The following USP10 variants were observed in gnomAD, a reference collection of about 807,000 sequenced individuals.
The protein encoded by USP10 is ubiquitin specific peptidase 10.
In USP10, 22 loss-of-function variants were observed where a neutral mutation model predicts 84.5. The ratio of observed to expected loss-of-function variants is 0.26; its 90% confidence interval spans 0.19 to 0.37. The LOEUF (loss-of-function observed/expected upper bound fraction) is 0.37, where lower values mean the gene tolerates loss of function less well. Among genes scored for constraint, USP10 ranks in the 10% least tolerant of loss-of-function variants. USP10 has a pLI of 1.00. For missense variants in USP10, 1,019 were observed against 998.9 expected, an observed-to-expected ratio of 1.02 and a Z score of -0.27; for synonymous variants, 454 against 387.6, an observed-to-expected ratio of 1.17 and a Z score of -2.01.
At chr16:84,743,781 A>T (rs1910895629) in intron 3 of USP10, among the ~76,000 whole-genome samples, 1 of 152,256 alleles carries the variant, frequency 6.6e-6, no homozygotes. Flanking sequence ...GGAATGAATT[A>T]TGTGGATTGT....
chr16:84,778,764 C>T (rs1459143336), intron 13 of USP10, 131 bp from the exon 14 acceptor site: 4 of 858,200 alleles, frequency 4.7e-6, no homozygotes, highest in Non-Finnish European at 7.1e-6. Flanking sequence ...GTGATGACAT[C>T]TCTCTGTCCC....
intron 10 of USP10, among the ~76,000 whole-genome samples, chr16:84,765,362 A>G (rs1340682580): frequency 2.6e-5 from 4 of 152,178 alleles, no homozygotes; most frequent in Admixed American, 6.5e-5. Flanking sequence ...GTTCCACATC[A>G]GATCTCTAGA....
chr16:84,707,906 C>G (rs2150756716), intron 1 of USP10, among the ~76,000 whole-genome samples: 1 of 151,588 alleles, frequency 6.6e-6, no homozygotes, highest in East Asian at 2.0e-4. Flanking sequence ...TAGCAAAACT[C>G]TTTCTCTACA....
At chr16:84,709,598 C>T (rs1482375690) in intron 1 of USP10, among the ~76,000 whole-genome samples, 3 of 151,860 alleles carry the variant, frequency 2.0e-5, no homozygotes, top group Non-Finnish European at 4.4e-5. Flanking sequence ...TCATTTAGGG[C>T]AGGGTCCTTG....
At position 84,701,017 on chromosome 16, in the gene USP10, A is replaced by G. The variant is rs115226912; in HGVS notation, c.21+906A>G. Among the ~76,000 whole-genome samples, 816 of 152,222 alleles carry G rather than the reference A, an allele frequency of 5.4e-3. 9 individuals carry two copies. The highest frequency in any genetic ancestry group is 0.019 in the African/African-American group (788 of 41,528). ...AATTTGTTGACATCTGGTCCCTATA[A>G]ATTGTTGCACACTTTTAAACCATCT... On this transcript the variant is annotated intron_variant, in intron 1 of 13. Coordinates refer to ENST00000219473, the MANE Select transcript of USP10 (RefSeq NM_005153.3).
chr16:84,772,060 C>G (rs1914510469), intron 11 of USP10, among the ~76,000 whole-genome samples: 1 of 151,878 alleles, frequency 6.6e-6, no homozygotes, highest in African/African-American at 2.4e-5. Flanking sequence ...CTTCTTTTTT[C>G]TTTTTTTCTG....
Position 84,779,004 on chromosome 16 carries a change from C to G in USP10, c.2319C>G (p.Ile773Met). The change falls in exon 14 of 14, where the codon ATC becomes ATG. Residue 773 changes from isoleucine (I) to methionine (M), a missense_variant. Transcript: ENST00000219473. Reference sequence around the variant, plus strand: ...TCGATGACCAGACAGTCAAGGTGATCAACCAGTACCAGGTGGTGAAACCAA... The same window carrying G: ...TCGATGACCAGACAGTCAAGGTGATGAACCAGTACCAGGTGGTGAAACCAA... ...LRIDDQTVKV[I>M]NQYQVVKPTA... 1 of 1,614,042 alleles carries G rather than the reference C, an allele frequency of 6.2e-7. No individual in the cohort carries two copies. Among genetic ancestry groups the G allele is most frequent in the Admixed American group, 1.7e-5 (1 of 60,026 alleles).
intron 12 of USP10, among the ~76,000 whole-genome samples, chr16:84,773,686 C>T (rs1914684993): frequency 6.6e-6 from 1 of 152,148 alleles, no homozygotes; most frequent in African/African-American, 2.4e-5. Flanking sequence ...GCTTTTTAAT[C>T]CCATTTGAGG....
Position 84,700,070 on chromosome 16 carries a change from G to T in USP10, c.-21G>T. Reference sequence around the variant, plus strand: ...GCGTGAGCAGCCGGAGGATCGCGGAGTCCCAATGAAACGGGCAGCCATGGC... The same window carrying T: ...GCGTGAGCAGCCGGAGGATCGCGGATTCCCAATGAAACGGGCAGCCATGGC... On this transcript the variant is annotated 5_prime_UTR_variant, in exon 1 of 14. Transcript: ENST00000219473. The T allele has an allele frequency of 7.3e-7, 1 of 1,373,042 alleles. No homozygotes were observed. The highest frequency in any genetic ancestry group is 4.0e-5 in the East Asian group (1 of 25,260). 85.1% of individuals were successfully genotyped at this position (1,373,042 alleles called of 1,614,324 possible).
At chr16:84,718,868 C>G (rs1327958097) in intron 1 of USP10, among the ~76,000 whole-genome samples, 1 of 152,086 alleles carries the variant, frequency 6.6e-6, no homozygotes, top group Non-Finnish European at 1.5e-5. Context: ...TCTCAGCTCA[C>G]TGCAACCTCC....
At chr16:84,707,796 C>T (rs1045039044) in intron 1 of USP10, among the ~76,000 whole-genome samples, 1 of 151,940 alleles carries the variant, frequency 6.6e-6, no homozygotes, top group Non-Finnish European at 1.5e-5. Context: ...TATTTTGGGC[C>T]AGGTGCAGTG....
chr16:84,719,715 A>G (rs1907537752), intron 1 of USP10, among the ~76,000 whole-genome samples: 1 of 152,238 alleles, frequency 6.6e-6, no homozygotes, highest in South Asian at 2.1e-4. Context: ...GTCTGGAGTT[A>G]ACAGTTTTCT....
intron 2 of USP10, among the ~76,000 whole-genome samples, chr16:84,735,473 C>G (rs767825816): frequency 1.3e-5 from 2 of 152,096 alleles, no homozygotes; most frequent in African/African-American, 4.8e-5. Flanking sequence ...TCCACAGGCT[C>G]GGAGGGTTTG....
At chr16:84,712,036 G>C (rs1906376297) in intron 1 of USP10, among the ~76,000 whole-genome samples, 1 of 152,030 alleles carries the variant, frequency 6.6e-6, no homozygotes, top group Non-Finnish European at 1.5e-5. Flanking sequence ...GCTTTTTAAG[G>C]TGGACAGAAA....
chr16:84,779,179 CTCTT>C lies in USP10; in HGVS notation c.*101_*104del, dbSNP rs1206422598. 32 of 1,414,388 alleles carry C rather than the reference CTCTT, an allele frequency of 2.3e-5. No individual in the cohort carries two copies. The East Asian group carries it at 5.3e-4, about 23-fold the overall frequency. 87.6% of individuals were successfully genotyped at this position (1,414,388 alleles called of 1,614,324 possible). A position where few individuals can be genotyped will look rare whatever the true frequency, so the allele number is the denominator to read the frequency against. On this transcript the variant is annotated 3_prime_UTR_variant, in exon 14 of 14. Coordinates refer to ENST00000219473, the MANE Select transcript of USP10 (RefSeq NM_005153.3). Reference sequence around the variant, plus strand: ...TCTTTAGTGGCTCTTTAGAGAGAAACTCTTTCTCCCTTTGCAAAAATGGGCTAGA... The same window carrying C: ...TCTTTAGTGGCTCTTTAGAGAGAAACTCTCCCTTTGCAAAAATGGGCTAGA...
chr16:84,736,390 T>C (rs1597334305), intron 2 of USP10, among the ~76,000 whole-genome samples: 1 of 152,306 alleles, frequency 6.6e-6, no homozygotes, highest in Admixed American at 6.5e-5. Context: ...GCTTTGTCTT[T>C]TAGTTTGCTT....
At chr16:84,772,397 G>C (rs1914547558) in intron 11 of USP10, 144 bp from the exon 12 acceptor site, 1 of 1,107,700 alleles carries the variant, frequency 9.0e-7, no homozygotes, top group Admixed American at 2.2e-5. Context: ...CAGAGCTTCT[G>C]TGGGGCAGGA....
At chr16:84,738,916 G>C (rs986411075) in intron 2 of USP10, among the ~76,000 whole-genome samples, 13 of 152,156 alleles carry the variant, frequency 8.5e-5, no homozygotes, top group African/African-American at 2.9e-4. Context: ...TGAACTTTGC[G>C]GCCCTAGGGC....
chr16:84,711,514 C>G (rs1443334162), intron 1 of USP10, among the ~76,000 whole-genome samples: 1 of 152,162 alleles, frequency 6.6e-6, no homozygotes, highest in East Asian at 1.9e-4. Flanking sequence ...CTCTCTTTTG[C>G]TGTTGTTGCT....
Sources: allele counts gnomAD v4.1 joint callset (sites outside exome capture counted in the v4.1 genomes callset), GRCh38; gene constraint gnomAD v4.1.1; transcripts MANE v1.5; gene names NCBI Gene and HGNC (gene_info 2026-07-23, HGNC 2026-07-21).